PRKN: variants seen among roughly 807,000 people sequenced by gnomAD.
PRKN encodes E3 ubiquitin-protein ligase parkin.
A neutral mutation model predicts 59.5 loss-of-function variants in PRKN; 56 were observed. The observed-to-expected ratio is 0.94, with a 90% CI of 0.76 to 1.18. PRKN has a LOEUF of 1.18. Ranked by LOEUF, PRKN falls within the 50% of genes most tolerant of loss-of-function variation. The probability of loss-of-function intolerance (pLI) is 0.00; values close to 1 mark genes in which losing one functional copy is unlikely to be tolerated. For missense variants in PRKN, 657 were observed against 596.4 expected (o/e 1.10, Z -1.06); for synonymous variants, 250 against 222.1 (o/e 1.13, Z -1.12).
intron 7 of PRKN, among the ~76,000 whole-genome samples, chr6:161,645,863 G>C (rs1017624426): frequency 6.6e-6 from 1 of 152,280 alleles, no homozygotes; most frequent in African/African-American, 2.4e-5. Context: ...AGTTAGAAAA[G>C]GCCGCTGTCT....
intron 1 of PRKN, among the ~76,000 whole-genome samples, chr6:162,583,705 A>T (rs1025501738): frequency 6.6e-6 from 1 of 152,226 alleles, no homozygotes; most frequent in African/African-American, 2.4e-5. Flanking sequence ...CGAGACTCAT[A>T]AACTCTACAT....
chr6:161,750,104 T>C (rs1182830221), intron 7 of PRKN, among the ~76,000 whole-genome samples: 2,372 of 97,776 alleles, frequency 0.024, 61 homozygotes, highest in African/African-American at 0.093. Flanking sequence ...AGGACATATA[T>C]ATATATATAT....
chr6:161,839,398 C>T (rs887050599), intron 6 of PRKN, among the ~76,000 whole-genome samples: 23 of 152,206 alleles, frequency 1.5e-4, no homozygotes, highest in African/African-American at 5.5e-4. Flanking sequence ...CTGGGAATTA[C>T]TCTCTGGGTA....
chr6:162,009,996 T>C (rs1782424748), intron 5 of PRKN, among the ~76,000 whole-genome samples: 1 of 151,420 alleles, frequency 6.6e-6, no homozygotes, highest in Admixed American at 6.6e-5. Context: ...GTTTATAACT[T>C]CAACATCTGC....
intron 6 of PRKN, among the ~76,000 whole-genome samples, chr6:161,936,157 G>C (rs1251427494): frequency 6.6e-6 from 1 of 151,684 alleles, no homozygotes; most frequent in Non-Finnish European, 1.5e-5. Context: ...CCAAAAGGTG[G>C]AAGTGGTCGT....
Position 161,545,070 on chromosome 6 carries a change from T to C in PRKN, c.1083+3784A>G. 1.2e-6 allele frequency: 1 copy of C among 865,128 alleles called. No individual in the cohort carries two copies. Among genetic ancestry groups the C allele is most frequent in the Non-Finnish European group, 1.5e-6 (1 of 673,196 alleles). 53.6% of individuals were successfully genotyped at this position (865,128 alleles called of 1,614,324 possible). ...TGGAGCCCAGAGCTCAACACATGGG[T>C]GTCTAGCTCCGAACAATTTTAAATC... On this transcript the variant is annotated intron_variant, in intron 9 of 11. Coordinates refer to ENST00000366898, the MANE Select transcript of PRKN (RefSeq NM_004562.3). This position sits in a 1 kb window ranked among gnomAD's most constrained non-coding sequence, Gnocchi z 4.1.
chr6:161,967,829 AT>A (rs1780639012), intron 6 of PRKN, among the ~76,000 whole-genome samples: 1 of 152,136 alleles, frequency 6.6e-6, no homozygotes. Context: ...CATACTTGTG[AT>A]GATTATATAC....
At chr6:161,725,117 C>G (rs955047773) in intron 7 of PRKN, among the ~76,000 whole-genome samples, 1 of 152,240 alleles carries the variant, frequency 6.6e-6, no homozygotes, top group African/African-American at 2.4e-5. Flanking sequence ...CCTGTACAAC[C>G]TGCAGAACCA....
At chr6:162,722,670 C>T (rs2187196) in intron 1 of PRKN, among the ~76,000 whole-genome samples, 16 of 152,050 alleles carry the variant, frequency 1.1e-4, no homozygotes, top group Admixed American at 1.3e-4. Context: ...TGAAGCATTT[C>T]GAAGTAAGAA....
chr6:161,788,973 T>C (rs1490651806), intron 6 of PRKN, among the ~76,000 whole-genome samples: 1 of 152,166 alleles, frequency 6.6e-6, no homozygotes. Flanking sequence ...TAGAAAAGTA[T>C]ATATGCTGCC....
chr6:162,674,958 G>A (rs1779478580), intron 1 of PRKN, among the ~76,000 whole-genome samples: 1 of 152,182 alleles, frequency 6.6e-6, no homozygotes, highest in Non-Finnish European at 1.5e-5. Context: ...GGCTAGGGCA[G>A]TGACAAAATT....
intron 1 of PRKN, chr6:162,569,595 G>C: frequency 1.4e-6 from 1 of 716,396 alleles, no homozygotes; most frequent in Non-Finnish European, 2.6e-6. Context: ...TATGGCCTGG[G>C]CTCCAGCTTT....
chr6:162,556,366 T>TGTGTGTGTGTGCGC (rs1554243444), intron 1 of PRKN, among the ~76,000 whole-genome samples: 2 of 98,298 alleles, frequency 2.0e-5, no homozygotes, highest in East Asian at 7.1e-4. Flanking sequence ...TGTGTGTGTG[T>TGTGTGTGTGTGCGC]GTGTGTGTGT....
chr6:162,264,209 G>A (rs1003889642), intron 2 of PRKN, among the ~76,000 whole-genome samples: 6 of 152,102 alleles, frequency 3.9e-5, no homozygotes, highest in South Asian at 2.1e-4. Flanking sequence ...CCTGGGAGGC[G>A]AAGGTTGGAG....
intron 6 of PRKN, among the ~76,000 whole-genome samples, chr6:161,893,531 T>C (rs1777494908): frequency 6.6e-6 from 1 of 152,194 alleles, no homozygotes; most frequent in Non-Finnish European, 1.5e-5. Flanking sequence ...ACGTTACTGT[T>C]GCAGGAACAG....
intron 1 of PRKN, among the ~76,000 whole-genome samples, chr6:162,562,262 A>ATGACCCCT (rs1454129843): frequency 3.3e-5 from 5 of 152,152 alleles, no homozygotes; most frequent in Non-Finnish European, 7.3e-5. Context: ...CTGTTAACTG[A>ATGACCCCT]TGAGCCCTTG....
At chr6:161,627,794 T>C (rs546547444) in intron 7 of PRKN, among the ~76,000 whole-genome samples, 1 of 152,354 alleles carries the variant, frequency 6.6e-6, no homozygotes, top group East Asian at 1.9e-4. Flanking sequence ...ACTCTCAGTG[T>C]ATTTCTGCTA....
chr6:161,618,950 T>A (rs184612464), intron 7 of PRKN, among the ~76,000 whole-genome samples: 1 of 152,216 alleles, frequency 6.6e-6, no homozygotes, highest in East Asian at 1.9e-4. Flanking sequence ...TCATCTTCAT[T>A]CTTGAGTGGT....
chr6:161,532,141 A>ACTCTCTCTCTCTCTCTCT (rs773618878), intron 9 of PRKN, among the ~76,000 whole-genome samples: 2 of 134,418 alleles, frequency 1.5e-5, no homozygotes, highest in African/African-American at 5.6e-5. Context: ...TCTGTCTTGC[A>ACTCTCTCTCTCTCTCTCT]CTCTCTCTCT....
Sources: allele counts gnomAD v4.1 joint callset (sites outside exome capture counted in the v4.1 genomes callset), GRCh38; gene constraint gnomAD v4.1.1; non-coding constraint Gnocchi (gnomAD v3.1); transcripts MANE v1.5; gene names NCBI Gene and HGNC (gene_info 2026-07-23, HGNC 2026-07-21).